Variants in PAK6 observed in about 807,000 individuals in gnomAD.
The protein encoded by PAK6 is p21 (RAC1) activated kinase 6.
Under a neutral mutation model 60.8 loss-of-function variants are expected in PAK6, and 33 were observed. The observed-to-expected ratio is 0.54, with a 90% CI of 0.41 to 0.73. PAK6 has a LOEUF of 0.73. Ranked by LOEUF, PAK6 falls within the 30% of genes least tolerant of loss-of-function variation. PAK6 has a pLI of 0.00. For missense variants in PAK6, 845 were observed against 904.1 expected, an observed-to-expected ratio of 0.93 and a Z score of 0.84; for synonymous variants, 404 against 378.5, an observed-to-expected ratio of 1.07 and a Z score of -0.78.
At chr15:40,253,789 G>T (rs12909664) in intron 3 of PAK6, among the ~76,000 whole-genome samples, 23,114 of 152,216 alleles carry the variant, frequency 0.15, 2,172 homozygotes, top group Middle Eastern at 0.29. Context: ...GGTGGCATCC[G>T]ATCTGGAGTG....
At chr15:40,275,280 G>T (rs866227880) in intron 10 of PAK6, among the ~76,000 whole-genome samples, 11 of 56,508 alleles carry the variant, frequency 1.9e-4, no homozygotes, top group African/African-American at 4.3e-4. Context: ...GTTGTTGTTG[G>T]TTTTTTTTTT....
At chr15:40,273,447 C>T (rs1340911365) in exon 8 of PAK6, 1 of 1,613,804 alleles carries the variant, frequency 6.2e-7, no homozygotes, top group Non-Finnish European at 8.5e-7. Flanking sequence ...AAGAGTGACT[C>T]CATCCTGCTG....
At chr15:40,266,063 C>T (rs1350467099) in exon 5 of PAK6, 7 of 1,610,094 alleles carry the variant, frequency 4.3e-6, no homozygotes, top group Non-Finnish European at 8.5e-7. Flanking sequence ...ACCCCCACGG[C>T]CTCTACCTCA....
At chr15:40,273,104 G>A (rs2039356299) in intron 7 of PAK6, 105 bp downstream of exon 7, 4 of 1,436,560 alleles carry the variant, frequency 2.8e-6, no homozygotes, top group Non-Finnish European at 3.8e-6. Flanking sequence ...TGGGATGCCT[G>A]GGCTCCCCTG....
chr15:40,249,789 A>C (rs1022392234), intron 2 of PAK6, among the ~76,000 whole-genome samples: 1 of 152,244 alleles, frequency 6.6e-6, no homozygotes, highest in Non-Finnish European at 1.5e-5. Context: ...CCACAGGCTG[A>C]GGGATAACCG....
exon 7 of PAK6, chr15:40,272,970 A>G: frequency 1.2e-6 from 2 of 1,613,818 alleles, no homozygotes; most frequent in Non-Finnish European, 1.7e-6. Flanking sequence ...TGCAGGGAGG[A>G]GCCCTCACAG....
At position 40,264,659 on chromosome 15, in the gene PAK6, C is replaced by T. The variant is rs2039070686; in HGVS notation, c.-5-122C>T. 5.1e-6 allele frequency: 4 copies of T among 781,756 alleles called. No homozygotes were observed. In the South Asian group the frequency reaches 6.6e-5, roughly 13 times the overall value. 48.4% of individuals were successfully genotyped at this position (781,756 alleles called of 1,614,324 possible). A position where few individuals can be genotyped will look rare whatever the true frequency, so the allele number is the denominator to read the frequency against. The stretch of plus-strand genomic sequence containing the variant: ...AAGCAGAGATGGAGGTGGAGGGAAG[C>T]CCTAGGCTTCTAGGGGAGCTGTGCT... On this transcript the variant is annotated intron_variant, in intron 3 of 10. Coordinates refer to ENST00000560346, the Ensembl canonical transcript of PAK6.
At chr15:40,277,361 G>A (rs2039483253) in exon 11 of PAK6, 1 of 152,438 alleles carries the variant, frequency 6.6e-6, no homozygotes, top group Non-Finnish European at 1.5e-5. Context: ...CCTACCTGGG[G>A]GCAAAGAAAT....
intron 2 of PAK6, among the ~76,000 whole-genome samples, chr15:40,241,453 C>T (rs895495461): frequency 1.2e-3 from 130 of 109,610 alleles, no homozygotes; most frequent in Admixed American, 7.1e-3. Flanking sequence ...CTCAGCCCCA[C>T]GGGAGCTCAT....
chr15:40,253,629 TC>T (rs1332804172), intron 3 of PAK6, among the ~76,000 whole-genome samples: 1 of 152,080 alleles, frequency 6.6e-6, no homozygotes, highest in Non-Finnish European at 1.5e-5. Flanking sequence ...GGGAAGAGGT[TC>T]CCAAACAGGA....
Position 40,274,389 on chromosome 15 carries a change from C to T in PAK6, c.1878+113C>T, listed in dbSNP as rs531833538. Reference sequence around the variant, plus strand: ...CCACTGAAGCCACAGGGTCTGGGCTCCTGGAAAAGGCTCCTCTTTCCCCAC... The same window carrying T: ...CCACTGAAGCCACAGGGTCTGGGCTTCTGGAAAAGGCTCCTCTTTCCCCAC... On this transcript the variant is annotated intron_variant, in intron 10 of 10. Coordinates refer to ENST00000560346, the Ensembl canonical transcript of PAK6. 7.7e-6 allele frequency: 9 copies of T among 1,168,584 alleles called. No homozygotes were observed. In the African/African-American group the frequency reaches 1.3e-4, roughly 16 times the overall value. 72.4% of individuals were successfully genotyped at this position (1,168,584 alleles called of 1,614,324 possible). A position where few individuals can be genotyped will look rare whatever the true frequency, so the allele number is the denominator to read the frequency against.
chr15:40,248,478 C>T (rs1025003913), intron 2 of PAK6, among the ~76,000 whole-genome samples: 4 of 152,192 alleles, frequency 2.6e-5, no homozygotes, highest in Admixed American at 1.3e-4. Flanking sequence ...AGCACACGTG[C>T]CCCCACCTCC....
At chr15:40,249,774 G>A (rs571457149) in intron 2 of PAK6, among the ~76,000 whole-genome samples, 45 of 152,342 alleles carry the variant, frequency 3.0e-4, no homozygotes, top group Admixed American at 5.9e-4. Flanking sequence ...AACAGGCCCC[G>A]ACAGCCACAG....
chr15:40,265,066 G>A, intron 4 of PAK6, 77 bp downstream of exon 4: 1 of 1,357,664 alleles, frequency 7.4e-7, no homozygotes, highest in East Asian at 2.4e-5. Flanking sequence ...CCTCAGAAAG[G>A]CCCCTGGAGG....
chr15:40,273,511 C>T (rs1566858650), intron 8 of PAK6, 39 bp downstream of exon 8: 1 of 1,613,842 alleles, frequency 6.2e-7, no homozygotes, highest in Non-Finnish European at 8.5e-7. Flanking sequence ...CACGCTCCCA[C>T]TTCCTCCTGA....
chr15:40,266,092 C>A (rs754753286), exon 5 of PAK6: 5 of 1,609,632 alleles, frequency 3.1e-6, no homozygotes, highest in Admixed American at 1.7e-5. Flanking sequence ...GGGGGCACAC[C>A]AGCAGGCCAC....
In PAK6 at chr15:40,273,544, A is replaced by G. The variant is rs2039369553; in HGVS notation, c.1618-7A>G. 1.2e-6 allele frequency: 2 copies of G among 1,613,736 alleles called. No homozygotes were observed. Among genetic ancestry groups the G allele is most frequent in the African/African-American group, 1.3e-5 (1 of 74,978 alleles). On this transcript the variant is annotated splice_region_variant and splice_polypyrimidine_tract_variant and intron_variant, in intron 8 of 10. Coordinates refer to ENST00000560346, the Ensembl canonical transcript of PAK6. ...TGATCCACCACTCACTCCCTTTTCA[A>G]CCGCAGGTGAAGCTCTCGGACTTCG...
intron 10 of PAK6, among the ~76,000 whole-genome samples, chr15:40,274,654 G>A (rs1266280258): frequency 1.3e-5 from 2 of 152,246 alleles, no homozygotes; most frequent in Non-Finnish European, 2.9e-5. Flanking sequence ...CTTCTAACCC[G>A]TGTCGGGAGA....
exon 2 of PAK6, chr15:40,240,639 A>C (rs1459524890): frequency 2.3e-6 from 1 of 438,434 alleles, no homozygotes; most frequent in East Asian, 7.3e-5. Flanking sequence ...ACCAGCCTGC[A>C]GTGGAGAACG....
Sources: allele counts gnomAD v4.1 joint callset (sites outside exome capture counted in the v4.1 genomes callset), GRCh38; gene constraint gnomAD v4.1.1; transcripts MANE v1.5; gene names NCBI Gene and HGNC (gene_info 2026-07-23, HGNC 2026-07-21).